TCF4: variants seen among roughly 807,000 people sequenced by gnomAD.
TCF4 encodes SL3-3 enhancer factor 2.
TCF4 carries 3 observed loss-of-function variants against 82.1 expected under a neutral mutation model. The observed-to-expected ratio is 0.04, with a 90% CI of 0.02 to 0.09. TCF4 has a LOEUF of 0.09. TCF4 is among the 10% of genes least tolerant of loss of function. The pLI, the probability that TCF4 is intolerant of heterozygous loss-of-function variation, is 1.00. For missense variants in TCF4, 518 were observed against 852.7 expected (o/e 0.61, Z 4.89); for synonymous variants, 276 against 309.6 (o/e 0.89, Z 1.14).
intron 3 of TCF4, among the ~76,000 whole-genome samples, chr18:55,527,059 G>A (rs1382646850): frequency 2.0e-5 from 3 of 152,120 alleles, no homozygotes; most frequent in Non-Finnish European, 4.4e-5. Flanking sequence ...GCACCACTTA[G>A]ACAAGTGTTC....
At chr18:55,392,368 C>T (rs1173608690) in intron 6 of TCF4, among the ~76,000 whole-genome samples, 1 of 149,960 alleles carries the variant, frequency 6.7e-6, no homozygotes, top group Non-Finnish European at 1.5e-5. Context: ...CCTACAGTCC[C>T]AACTACTCAG....
At chr18:55,435,464 A>G (rs962631165) in intron 5 of TCF4, among the ~76,000 whole-genome samples, 1 of 152,208 alleles carries the variant, frequency 6.6e-6, no homozygotes, top group Non-Finnish European at 1.5e-5. Flanking sequence ...TTTGAATAAA[A>G]TCTCCACAAG....
chr18:55,397,613 C>A (rs190552643), intron 6 of TCF4, among the ~76,000 whole-genome samples: 2 of 152,120 alleles, frequency 1.3e-5, no homozygotes, highest in South Asian at 2.1e-4. Flanking sequence ...TCAAATGACA[C>A]GCGTAAATGG....
intron 3 of TCF4, among the ~76,000 whole-genome samples, chr18:55,555,527 G>A (rs2097296233): frequency 6.6e-6 from 1 of 152,160 alleles, no homozygotes. Context: ...TGATAGTACT[G>A]CTGGTACAGA....
chr18:55,542,559 T>A (rs953925134), intron 3 of TCF4, among the ~76,000 whole-genome samples: 13 of 152,020 alleles, frequency 8.6e-5, no homozygotes, highest in African/African-American at 2.9e-4. Context: ...AACATTCTCT[T>A]ATAGAGACAA....
chr18:55,587,966 G>A (rs1017692475), intron 1 of TCF4, 72 bp downstream of exon 1: 2 of 967,292 alleles, frequency 2.1e-6, no homozygotes, highest in African/African-American at 1.8e-5. Context: ...GCCGCGTGCG[G>A]GGCCGCCGAG....
chr18:55,595,657 A>G (rs906704047), intron 2 of TCF4, among the ~76,000 whole-genome samples: 1 of 152,238 alleles, frequency 6.6e-6, no homozygotes, highest in Non-Finnish European at 1.5e-5. Context: ...TAAAATTTCA[A>G]CAATCTTTCA....
chr18:55,384,766 G>C (rs1031319898), intron 6 of TCF4, among the ~76,000 whole-genome samples: 1 of 152,068 alleles, frequency 6.6e-6, no homozygotes, highest in African/African-American at 2.4e-5. Context: ...AGCTCCTTGA[G>C]GACACTGGAG....
chr18:55,357,818 C>G (rs2083967750), intron 6 of TCF4, among the ~76,000 whole-genome samples: 1 of 152,160 alleles, frequency 6.6e-6, no homozygotes, highest in Non-Finnish European at 1.5e-5. Context: ...TCAATTATAG[C>G]CTAATGGCCA....
At chr18:55,419,693 C>G (rs2073718516) in intron 5 of TCF4, among the ~76,000 whole-genome samples, 1 of 152,166 alleles carries the variant, frequency 6.6e-6, no homozygotes, top group Middle Eastern at 3.4e-3. Flanking sequence ...TTTTCTCAAG[C>G]AAACATTTTT....
chr18:55,428,898 A>G (rs1257365968), intron 5 of TCF4, among the ~76,000 whole-genome samples: 1 of 152,194 alleles, frequency 6.6e-6, no homozygotes, highest in Non-Finnish European at 1.5e-5. Context: ...TGAACTGATG[A>G]GAGGTCTACT....
At chr18:55,378,258 T>C (rs150067014) in intron 6 of TCF4, among the ~76,000 whole-genome samples, 90 of 152,334 alleles carry the variant, frequency 5.9e-4, no homozygotes, top group African/African-American at 2.0e-3. Context: ...GTTGAAGATA[T>C]GGTATAGCTT....
intron 3 of TCF4, among the ~76,000 whole-genome samples, chr18:55,493,393 T>C (rs1227117504): frequency 1.3e-5 from 2 of 152,162 alleles, no homozygotes; most frequent in African/African-American, 4.8e-5. Flanking sequence ...TTTTACAATA[T>C]TTAATGCAGA....
chr18:55,435,429 A>G (rs912205391), intron 5 of TCF4, among the ~76,000 whole-genome samples: 1 of 152,226 alleles, frequency 6.6e-6, no homozygotes, highest in Admixed American at 6.5e-5. Context: ...CACTAGTGCC[A>G]TGTTTACTGT....
At chr18:55,331,578 G>A (rs181319551) in intron 8 of TCF4, among the ~76,000 whole-genome samples, 5 of 152,160 alleles carry the variant, frequency 3.3e-5, no homozygotes, top group Non-Finnish European at 7.3e-5. Flanking sequence ...CCACAGAGAA[G>A]AGAGTTTGTC....
chr18:55,500,372 G>C lies in TCF4; in HGVS notation c.146-36235C>G, dbSNP rs368997512. The stretch of plus-strand genomic sequence containing the variant: ...AGTGGAGGAGGGGAGAAGTATTTAA[G>C]AAAAAAATAAAGAGAAAAGAAATTT... On this transcript the variant is annotated intron_variant, in intron 3 of 19. Transcript: ENST00000354452. Among the ~76,000 whole-genome samples the C allele has an allele frequency of 2.0e-4, 31 of 152,178 alleles. No individual in the cohort carries two copies. The East Asian group carries it at 5.6e-3, about 27-fold the overall frequency.
chr18:55,425,750 A>G (rs924107403), intron 5 of TCF4, among the ~76,000 whole-genome samples: 7 of 152,194 alleles, frequency 4.6e-5, no homozygotes, highest in Non-Finnish European at 5.9e-5. Context: ...GATCAAAGGA[A>G]CTAAAACACG....
intron 8 of TCF4, among the ~76,000 whole-genome samples, chr18:55,311,472 C>T: frequency 6.6e-6 from 1 of 152,224 alleles, no homozygotes; most frequent in Middle Eastern, 3.2e-3. Context: ...CGTATGTCCC[C>T]TGGGGAACAC....
intron 3 of TCF4, among the ~76,000 whole-genome samples, chr18:55,475,485 A>G (rs2096272075): frequency 6.6e-6 from 1 of 152,230 alleles, no homozygotes; most frequent in Non-Finnish European, 1.5e-5. Flanking sequence ...GTATGATTAT[A>G]ATTTGTCCCT....
Sources: gnomAD v4.1 joint callset for allele counts (sites outside exome capture counted in the v4.1 genomes callset) on GRCh38, gnomAD v4.1.1 for gene constraint, MANE v1.5 for transcripts, NCBI Gene and HGNC (gene_info 2026-07-23, HGNC 2026-07-21) for gene names.